CACNA2D3: variants seen among roughly 807,000 people sequenced by gnomAD.
CACNA2D3 encodes voltage-dependent calcium channel subunit alpha-2/delta-3.
CACNA2D3 carries 60 observed loss-of-function variants against 160.6 expected under a neutral mutation model. The ratio of observed to expected loss-of-function variants is 0.37; its 90% CI spans 0.30 to 0.46. The LOEUF (loss-of-function observed/expected upper bound fraction) is 0.46, where lower values mean the gene tolerates loss of function less well. CACNA2D3 is among the 20% of genes least tolerant of loss of function. The probability of loss-of-function intolerance (pLI) is 1.00; values close to 1 mark genes in which losing one functional copy is unlikely to be tolerated. For missense variants in CACNA2D3, 1,205 were observed against 1,365.0 expected (o/e 0.88, Z 1.85); for synonymous variants, 558 against 492.9 (o/e 1.13, Z -1.75).
intron 11 of CACNA2D3, among the ~76,000 whole-genome samples, chr3:54,707,074 C>A (rs984842995): frequency 1.3e-5 from 2 of 152,142 alleles, no homozygotes; most frequent in Non-Finnish European, 2.9e-5. Context: ...GCGTAGAAGG[C>A]GTATTAATGG....
chr3:54,542,863 A>C (rs1016877229), intron 5 of CACNA2D3, among the ~76,000 whole-genome samples: 1 of 152,202 alleles, frequency 6.6e-6, no homozygotes. Context: ...AATATTAAGG[A>C]ACACAAAATT....
At chr3:54,711,683 G>A (rs1700955771) in intron 11 of CACNA2D3, among the ~76,000 whole-genome samples, 1 of 152,168 alleles carries the variant, frequency 6.6e-6, no homozygotes, top group Non-Finnish European at 1.5e-5. Context: ...CCACATCTCT[G>A]AACATAGAAG....
chr3:54,123,311 C>G (rs780541900), intron 1 of CACNA2D3: 471 of 587,500 alleles, frequency 8.0e-4, no homozygotes, highest in Non-Finnish European at 1.3e-3. Context: ...CCGCGACCCC[C>G]CTCGGGCCCC....
At chr3:54,910,993 T>A (rs1368167951) in intron 27 of CACNA2D3, among the ~76,000 whole-genome samples, 1 of 152,170 alleles carries the variant, frequency 6.6e-6, no homozygotes, top group African/African-American at 2.4e-5. Context: ...TTGTGCCCAA[T>A]CCCAGTAGCC....
At chr3:54,656,359 C>G (rs2106873003) in intron 11 of CACNA2D3, among the ~76,000 whole-genome samples, 1 of 152,330 alleles carries the variant, frequency 6.6e-6, no homozygotes, top group South Asian at 2.1e-4. Context: ...TGTGAGAGAC[C>G]ATAGACTGTG....
chr3:54,482,203 C>T (rs1317431677), intron 4 of CACNA2D3, among the ~76,000 whole-genome samples: 2 of 152,156 alleles, frequency 1.3e-5, no homozygotes, highest in Non-Finnish European at 2.9e-5. Context: ...AGAGGAGGGG[C>T]AGTGAGAAGC....
chr3:54,901,432 G>A (rs1333626886), intron 27 of CACNA2D3, among the ~76,000 whole-genome samples: 1 of 152,182 alleles, frequency 6.6e-6, no homozygotes, highest in Non-Finnish European at 1.5e-5. Context: ...CTGTTTGGCT[G>A]AGTATAGGTG....
At chr3:54,227,770 T>C (rs554865220) in intron 2 of CACNA2D3, among the ~76,000 whole-genome samples, 1 of 152,204 alleles carries the variant, frequency 6.6e-6, no homozygotes, top group East Asian at 1.9e-4. Flanking sequence ...AGGATGATCT[T>C]GATTTCCTGA....
intron 13 of CACNA2D3, among the ~76,000 whole-genome samples, chr3:54,800,444 A>T (rs1008989544): frequency 1.3e-5 from 2 of 152,246 alleles, no homozygotes; most frequent in Non-Finnish European, 2.9e-5. Flanking sequence ...CAGCCGGATG[A>T]TCACCCACAA....
At chr3:54,796,973 C>T (rs1702878149) in intron 13 of CACNA2D3, among the ~76,000 whole-genome samples, 2 of 152,166 alleles carry the variant, frequency 1.3e-5, no homozygotes, top group African/African-American at 4.8e-5. Flanking sequence ...AGATGCTTCT[C>T]CAGAGCTGTC....
chr3:54,891,269 A>G (rs1453606435), intron 24 of CACNA2D3, 86 bp from the exon 25 acceptor site: 2 of 864,694 alleles, frequency 2.3e-6, no homozygotes, highest in Admixed American at 2.2e-5. Flanking sequence ...GCTATTTGGT[A>G]AAAACATTCT....
chr3:54,575,025 T>G (rs1306033651), intron 8 of CACNA2D3, among the ~76,000 whole-genome samples: 1 of 152,266 alleles, frequency 6.6e-6, no homozygotes, highest in Admixed American at 6.5e-5. Context: ...GTATTTTCTT[T>G]CAGTGCTCAT....
At chr3:55,052,581 T>G (rs142142642) in intron 35 of CACNA2D3, among the ~76,000 whole-genome samples, 1 of 152,066 alleles carries the variant, frequency 6.6e-6, no homozygotes, top group Non-Finnish European at 1.5e-5. Context: ...AAGAGAGGAG[T>G]GTTGCAGTCT....
intron 5 of CACNA2D3, among the ~76,000 whole-genome samples, chr3:54,517,937 G>A (rs1249428432): frequency 6.6e-6 from 1 of 152,162 alleles, no homozygotes; most frequent in Non-Finnish European, 1.5e-5. Flanking sequence ...ACCATAAGAG[G>A]TCAGCCATCT....
chr3:54,660,903 C>T (rs1419670786), intron 11 of CACNA2D3, among the ~76,000 whole-genome samples: 2 of 152,182 alleles, frequency 1.3e-5, no homozygotes, highest in Non-Finnish European at 2.9e-5. Context: ...CTGCTCACTC[C>T]TCGGGGATTC....
In CACNA2D3 at chr3:54,607,884, C is replaced by T. The variant is rs1698668782; in HGVS notation, c.964-19903C>T. On this transcript the variant is annotated intron_variant, in intron 9 of 37. Coordinates refer to ENST00000474759, the MANE Select transcript of CACNA2D3 (RefSeq NM_018398.3). Reference sequence around the variant, plus strand: ...ACTATGGTACATTCATACAGAAGAACTGCTAAGTTAAAAAAAGCCAGTCTC... The same window carrying T: ...ACTATGGTACATTCATACAGAAGAATTGCTAAGTTAAAAAAAGCCAGTCTC... Among the ~76,000 whole-genome samples the T allele has an allele frequency of 1.3e-5, 2 of 152,174 alleles. 1 individual carries two copies. The highest frequency in any genetic ancestry group is 4.1e-4 in the South Asian group (2 of 4,826).
chr3:54,555,570 C>T (rs545572439), intron 5 of CACNA2D3, among the ~76,000 whole-genome samples: 7 of 152,318 alleles, frequency 4.6e-5, no homozygotes, highest in South Asian at 4.1e-4. Context: ...GGGAGGCGCT[C>T]TTCACATACA....
intron 2 of CACNA2D3, among the ~76,000 whole-genome samples, chr3:54,158,627 T>C (rs1396619697): frequency 1.3e-5 from 2 of 152,234 alleles, no homozygotes; most frequent in East Asian, 3.8e-4. Context: ...TTTTTTTCCA[T>C]GATCAAGTTC....
intron 2 of CACNA2D3, among the ~76,000 whole-genome samples, chr3:54,288,427 T>G (rs1432277145): frequency 6.6e-6 from 1 of 152,040 alleles, no homozygotes; most frequent in Non-Finnish European, 1.5e-5. Flanking sequence ...TGTGGCAAAA[T>G]CAATAGCTTA....
Sources: gnomAD v4.1 joint callset for allele counts (sites outside exome capture counted in the v4.1 genomes callset) on GRCh38, gnomAD v4.1.1 for gene constraint, MANE v1.5 for transcripts, NCBI Gene and HGNC (gene_info 2026-07-23, HGNC 2026-07-21) for gene names.